The following NBPF26 variants were observed in gnomAD, a reference collection of about 807,000 sequenced individuals.
NBPF26 encodes NBPF member 26.
In NBPF26, 79 loss-of-function variants were observed where a neutral mutation model predicts 119.6. The observed-to-expected ratio is 0.66, with a 90% CI of 0.55 to 0.80. NBPF26 has a LOEUF of 0.80. Ranked by LOEUF, NBPF26 falls within the 30% of genes least tolerant of loss-of-function variation. The pLI is 0.00. For missense variants in NBPF26, 800 were observed against 1,198.2 expected (o/e 0.67, Z 4.91); for synonymous variants, 299 against 457.7 (o/e 0.65, Z 4.43).
At position 120,823,752 on chromosome 1, in the gene NBPF26, C is replaced by CTGTGTGTGTGTGTGTGTGTG. The variant is rs1177031452; in HGVS notation, c.2640-202_2640-183dup. On this transcript the variant is annotated intron_variant, in intron 17 of 29. Transcript: ENST00000620612. ...ACCTGACCAATTCACTGAGCTCGCT[C>CTGTGTGTGTGTGTGTGTGTG]TGTGTGTGTGTGTGTGTGTGTGTGT... Among the ~76,000 whole-genome samples, 51 of 73,370 alleles carry CTGTGTGTGTGTGTGTGTGTG rather than the reference C, an allele frequency of 7.0e-4. 1 individual carries two copies. Among genetic ancestry groups the CTGTGTGTGTGTGTGTGTGTG allele is most frequent in the African/African-American group, 2.0e-3 (18 of 8,858 alleles). 48.1% of individuals were successfully genotyped at this position (73,370 alleles called of 152,430 possible).
rs1187112583 is a variant in NBPF26, at chr1:120,825,095, A to T, written c.2812+949A>T. Among the ~76,000 whole-genome samples, 12 of 121,744 alleles carry T rather than the reference A, an allele frequency of 9.9e-5. No individual in the cohort carries two copies. The South Asian group carries it at 2.6e-3, about 26-fold the overall frequency. The allele number at this position is 121,744 out of a possible 152,430, so 79.9% of individuals were successfully genotyped here. A position where few individuals can be genotyped will look rare whatever the true frequency, so the allele number is the denominator to read the frequency against. On this transcript the variant is annotated intron_variant, in intron 18 of 29. Coordinates refer to ENST00000620612, the Ensembl canonical transcript of NBPF26. ...TAGGTTTCCATTTCTTCCTCCCCTT[A>T]TCATTTAGTAACTTACTATAGGTTG...
chr1:120,728,658 G>A (rs1650841839), intron 1 of NBPF26, among the ~76,000 whole-genome samples: 2 of 116,664 alleles, frequency 1.7e-5, no homozygotes, highest in Admixed American at 8.1e-5. Context: ...TCATCATTTT[G>A]GGGACTAGTC....
rs1476124067 is a variant in NBPF26, at chr1:120,724,285, C to T, written c.73+35C>T. 3.8e-5 allele frequency: 52 copies of T among 1,373,336 alleles called. 11 individuals are homozygous for T. The highest frequency in any genetic ancestry group is 4.8e-5 in the Non-Finnish European group (51 of 1,053,006). 85.1% of individuals were successfully genotyped at this position (1,373,336 alleles called of 1,614,324 possible). ...GGGCTGAGGGGCGCTGTCCGCGGCG[C>T]CCGGGGCTGCCACCTGGGGCGACCC... is the stretch of plus-strand genomic sequence containing the variant. On this transcript the variant is annotated intron_variant, in intron 1 of 29. Transcript: ENST00000620612.
At chr1:120,833,421 C>A (rs1306248424) in intron 23 of NBPF26, among the ~76,000 whole-genome samples, 182 bp from the exon 28 acceptor site, 3,759 of 85,794 alleles carry the variant, frequency 0.044, 15 homozygotes, top group African/African-American at 0.12. Flanking sequence ...CTGTCTTTCT[C>A]TTTCATTGTT....
At chr1:120,832,620 G>A (rs1652365862) in intron 22 of NBPF26, among the ~76,000 whole-genome samples, 1 of 121,256 alleles carries the variant, frequency 8.2e-6, no homozygotes, top group Non-Finnish European at 1.6e-5. Context: ...TGGCATAACT[G>A]TTTGCACAAA....
intron 1 of NBPF26, among the ~76,000 whole-genome samples, chr1:120,752,544 A>ATG (rs1651029981): frequency 1.4e-4 from 2 of 14,104 alleles, no homozygotes; most frequent in African/African-American, 7.9e-4. Flanking sequence ...ATATATATAT[A>ATG]TATATATATA....
In NBPF26 at chr1:120,732,569, TTTA is replaced by T. The variant is rs1217214131; in HGVS notation, c.73+8324_73+8326del. Among the ~76,000 whole-genome samples, 3 of 73,056 alleles carry T rather than the reference TTTA, an allele frequency of 4.1e-5. No homozygotes were observed. In the Admixed American group the frequency reaches 4.1e-4, roughly 10 times the overall value. The allele number at this position is 73,056 out of a possible 152,430, so 47.9% of individuals were successfully genotyped here. A position where few individuals can be genotyped will look rare whatever the true frequency, so the allele number is the denominator to read the frequency against. On this transcript the variant is annotated intron_variant, in intron 1 of 29. Coordinates refer to ENST00000620612, the Ensembl canonical transcript of NBPF26. ...TTGAGGACATGTGTATTTCGATTATTTTATTATATTTTTATTTGCTGTGAATAT... is the reference window on the plus strand; with the variant it reads ...TTGAGGACATGTGTATTTCGATTATTTTATATTTTTATTTGCTGTGAATAT...
At position 120,728,007 on chromosome 1, in the gene NBPF26, G is replaced by C. The variant is rs1387076892; in HGVS notation, c.73+3757G>C. The stretch of plus-strand genomic sequence containing the variant: ...GGTCCTCCATTTTCTGATGTTCATT[G>C]TTCATGGTCACAGAGCCAATTAGAG... On this transcript the variant is annotated intron_variant, in intron 1 of 29. Transcript: ENST00000620612. 1.7e-5 allele frequency among the ~76,000 whole-genome samples: 2 copies of C among 118,938 alleles called. 1 individual carries two copies. The highest frequency in any genetic ancestry group is 9.5e-5 in the African/African-American group (2 of 20,946). The allele number at this position is 118,938 out of a possible 152,430, so 78.0% of individuals were successfully genotyped here.
chr1:120,806,776 C>T (rs1214821688), intron 5 of NBPF26, among the ~76,000 whole-genome samples: 1 of 118,012 alleles, frequency 8.5e-6, no homozygotes, highest in East Asian at 2.0e-4. Context: ...CAGCCTGTCT[C>T]CTGGGCTCCA....
At chr1:120,737,770 C>G (rs1650921567) in intron 1 of NBPF26, among the ~76,000 whole-genome samples, 1 of 123,888 alleles carries the variant, frequency 8.1e-6, no homozygotes, top group Admixed American at 7.8e-5. Flanking sequence ...GGTGGAGTTA[C>G]TTTCTCAGAA....
chr1:120,784,482 C>T (rs1272440387), intron 2 of NBPF26, among the ~76,000 whole-genome samples: 1 of 116,674 alleles, frequency 8.6e-6, no homozygotes, highest in Admixed American at 8.2e-5. Flanking sequence ...ATTTGCTGTT[C>T]CCTTTCTCAT....
In NBPF26 at chr1:120,823,692, T is replaced by C. The variant is rs1438961072; in HGVS notation, c.2640-282T>C. On this transcript the variant is annotated intron_variant, in intron 17 of 29. Coordinates refer to ENST00000620612, the Ensembl canonical transcript of NBPF26. ...TCACTGTGTGTCCTGAGAGCACAAATACAGAGTGTCCTTTGACTCCCTCAT... is the reference window on the plus strand; with the variant it reads ...TCACTGTGTGTCCTGAGAGCACAAACACAGAGTGTCCTTTGACTCCCTCAT... Among the ~76,000 whole-genome samples, 103 of 120,278 alleles carry C rather than the reference T, an allele frequency of 8.6e-4. 24 individuals carry two copies. The highest frequency in any genetic ancestry group is 3.9e-3 in the African/African-American group (95 of 24,454). The allele number at this position is 120,278 out of a possible 152,430, so 78.9% of individuals were successfully genotyped here.
At chr1:120,752,460 T>C (rs1448882482) in intron 1 of NBPF26, among the ~76,000 whole-genome samples, 53 of 22,872 alleles carry the variant, frequency 2.3e-3, no homozygotes, top group African/African-American at 0.013. Context: ...TGGGACATAG[T>C]TGTATGTCTG....
intron 2 of NBPF26, among the ~76,000 whole-genome samples, chr1:120,775,106 CA>C (rs1374856120): frequency 2.3e-4 from 5 of 22,090 alleles, no homozygotes; most frequent in African/African-American, 2.2e-3. Context: ...AGACACAGTA[CA>C]GTTCTTACCC....
intron 1 of NBPF26, among the ~76,000 whole-genome samples, chr1:120,762,540 T>G (rs1334148708): frequency 8.9e-6 from 1 of 112,910 alleles, no homozygotes; most frequent in Admixed American, 8.6e-5. Flanking sequence ...ACTTCTCAGT[T>G]TTGCTTTCAG....
Position 120,807,722 on chromosome 1 carries a change from CATGGGG to C in NBPF26, c.1064+14_1064+19del, listed in dbSNP as rs2101495940. ...CTGAGGAGCTCAGGTGAGGGGACCC[CATGGGG>C]GCAGGCAGGGGGGCAGGTGTGTAAA... On this transcript the variant is annotated intron_variant, in intron 6 of 29. Transcript: ENST00000620612. 4.1e-6 allele frequency: 5 copies of C among 1,214,518 alleles called. No homozygotes were observed. The East Asian group carries it at 1.1e-4, about 28-fold the overall frequency. The allele number at this position is 1,214,518 out of a possible 1,614,324, so 75.2% of individuals were successfully genotyped here.
chr1:120,822,572 G>A (rs1166161136), intron 16 of NBPF26, among the ~76,000 whole-genome samples: 7,152 of 112,652 alleles, frequency 0.063, 1,473 homozygotes, highest in African/African-American at 0.22. Context: ...ATGCCCAGGA[G>A]TTGTCTGTCA....
chr1:120,784,743 A>G (rs1651402577), intron 2 of NBPF26, among the ~76,000 whole-genome samples: 1 of 117,836 alleles, frequency 8.5e-6, no homozygotes, highest in Non-Finnish European at 1.6e-5. Context: ...TTAGAATGTA[A>G]ACTCCAAGAG....
At chr1:120,729,760 T>C (rs1650856224) in intron 1 of NBPF26, among the ~76,000 whole-genome samples, 1 of 117,092 alleles carries the variant, frequency 8.5e-6, no homozygotes, top group Non-Finnish European at 1.6e-5. Context: ...GAGATTCTGA[T>C]TCAGTGCATC....
Sources: allele counts gnomAD v4.1 joint callset (sites outside exome capture counted in the v4.1 genomes callset), GRCh38; gene constraint gnomAD v4.1.1; transcripts MANE v1.5; gene names NCBI Gene and HGNC (gene_info 2026-07-23, HGNC 2026-07-21).